Variants in EPN2 observed in about 807,000 individuals in gnomAD.
The protein encoded by EPN2 is epsin 2.
In EPN2, 34 loss-of-function variants were observed where a neutral mutation model predicts 61.7. That is an observed-to-expected ratio of 0.55 (90% CI 0.42 to 0.73). EPN2 has a LOEUF of 0.73. EPN2 is among the 30% of genes least tolerant of loss of function. The pLI is 0.00. For missense variants in EPN2, 714 were observed against 839.2 expected (o/e 0.85, Z 1.84); for synonymous variants, 349 against 353.6 (o/e 0.99, Z 0.15).
rs907434530 is a variant in EPN2, at chr17:19,285,129, T to C, written c.596-491T>C. Among the ~76,000 whole-genome samples the C allele has an allele frequency of 6.6e-6, 1 of 152,226 alleles. No homozygotes were observed. Among genetic ancestry groups the C allele is most frequent in the Non-Finnish European group, 1.5e-5 (1 of 68,032 alleles). On this transcript the variant is annotated intron_variant, in intron 3 of 10. Coordinates refer to ENST00000314728, the MANE Select transcript of EPN2 (RefSeq NM_014964.5). The surrounding 1 kb of genome is among the most constrained non-coding windows in gnomAD (Gnocchi z 4.5). ...TGAGTTGGTCCCAACCTGCCTTGAC[T>C]TCCTCTGTCCCTGTGACTGTGGCTG... is the stretch of plus-strand genomic sequence containing the variant.
intron 4 of EPN2, among the ~76,000 whole-genome samples, chr17:19,287,794 G>C (rs559647026): frequency 1.3e-5 from 2 of 152,182 alleles, no homozygotes; most frequent in African/African-American, 4.8e-5. Flanking sequence ...AGCCGGGAAG[G>C]CCTCTTGTGT....
chr17:19,268,449 C>G (rs920391118), intron 1 of EPN2, among the ~76,000 whole-genome samples: 1 of 152,170 alleles, frequency 6.6e-6, no homozygotes, highest in Admixed American at 6.5e-5. Flanking sequence ...CCTCAAACTC[C>G]TGGGCTCAGG....
rs1327416216 is a variant in EPN2 at position 19,302,614 on chromosome 17, C to T, written c.767-7271C>T. Reference sequence around the variant, plus strand: ...CAAGGAAACAAGCTCAGGGCTCCCACTGATTCTATATTATGGTGAGTTGTA... The same window carrying T: ...CAAGGAAACAAGCTCAGGGCTCCCATTGATTCTATATTATGGTGAGTTGTA... On this transcript the variant is annotated intron_variant, in intron 4 of 10. Coordinates refer to ENST00000314728, the MANE Select transcript of EPN2 (RefSeq NM_014964.5). Among the ~76,000 whole-genome samples the T allele has an allele frequency of 2.0e-5, 3 of 152,194 alleles. No individual in the cohort carries two copies. In the South Asian group the frequency reaches 6.2e-4, roughly 32 times the overall value.
chr17:19,306,794 G>T (rs1285264574), intron 4 of EPN2, among the ~76,000 whole-genome samples: 1 of 152,160 alleles, frequency 6.6e-6, no homozygotes, highest in African/African-American at 2.4e-5. Flanking sequence ...TTTTTTTGGG[G>T]TGGGGTGGGA....
intron 10 of EPN2, 64 bp downstream of exon 10, chr17:19,332,132 C>A: frequency 8.3e-7 from 1 of 1,203,692 alleles, no homozygotes; most frequent in Non-Finnish European, 1.2e-6. Flanking sequence ...TGCAGCAGGC[C>A]TCTTGGGGGC....
rs150823408 is a variant in EPN2, at chr17:19,283,158, C to T, written c.39C>T (p.Ile13=). The change falls in exon 3 of 11, where the codon ATC becomes ATT. Residue 13 remains isoleucine, a synonymous_variant. Transcript: ENST00000314728. This position sits in a 1 kb window ranked among gnomAD's most constrained non-coding sequence, Gnocchi z 7.0. ...TSSIRRQMKN[I]VNNYSEAEIK... ...CTATCAGACGGCAGATGAAAAACAT[C>T]GTGAACAATTACTCAGAGGCAGAAA... is the stretch of plus-strand genomic sequence containing the variant. 1.6e-5 allele frequency: 26 copies of T among 1,612,696 alleles called. No homozygotes were observed. Among genetic ancestry groups the T allele is most frequent in the East Asian group, 4.5e-5 (2 of 44,888 alleles).
intron 7 of EPN2, among the ~76,000 whole-genome samples, chr17:19,327,085 C>A (rs1006949770): frequency 6.6e-6 from 1 of 152,122 alleles, no homozygotes. Flanking sequence ...AAGACTGGCA[C>A]CCACTGCTGG....
chr17:19,288,863 C>T (rs1421388042), intron 4 of EPN2, among the ~76,000 whole-genome samples: 1 of 152,092 alleles, frequency 6.6e-6, no homozygotes. Context: ...CGGTGCTGGG[C>T]CTTCTGGGTT....
At chr17:19,250,102 T>C (rs1869316737) in intron 1 of EPN2, among the ~76,000 whole-genome samples, 1 of 152,070 alleles carries the variant, frequency 6.6e-6, no homozygotes, top group Non-Finnish European at 1.5e-5. Flanking sequence ...CTGAATTTTT[T>C]TTTTTTTTTC....
intron 4 of EPN2, among the ~76,000 whole-genome samples, chr17:19,305,162 C>G (rs1467989276): frequency 6.7e-6 from 1 of 148,796 alleles, no homozygotes; most frequent in Non-Finnish European, 1.5e-5. Context: ...TGCTCTGTTG[C>G]CCAGGCTGGA....
intron 4 of EPN2, among the ~76,000 whole-genome samples, chr17:19,299,097 G>A (rs1371857356): frequency 6.6e-6 from 1 of 152,186 alleles, no homozygotes; most frequent in African/African-American, 2.4e-5. Context: ...CCCCCCAGCA[G>A]TGAAGGAGAG....
rs1213118876 is a variant in EPN2 at position 19,283,335 on chromosome 17, G to A, written c.216G>A (p.Arg72=). ...TGAATGACCATGGCAAGAACTGGCG[G>A]CATGTGTACAAGGCGCTGACCCTGC... is the stretch of plus-strand genomic sequence containing the variant. The part of the protein sequence containing the change: ...KRLNDHGKNW[R]HVYKALTLLD... Residue 72 remains arginine, a synonymous_variant, in exon 3 of 11, where the codon CGG becomes CGA. Transcript: ENST00000314728. This position sits in a 1 kb window ranked among gnomAD's most constrained non-coding sequence, Gnocchi z 7.0. 1 of 1,614,158 alleles carries A rather than the reference G, an allele frequency of 6.2e-7. No homozygotes were observed.
At chr17:19,303,085 T>G (rs1905614288) in intron 4 of EPN2, among the ~76,000 whole-genome samples, 2 of 152,158 alleles carry the variant, frequency 1.3e-5, no homozygotes, top group East Asian at 1.9e-4. Context: ...GAACAGCTGT[T>G]TCCTCTGGGG....
intron 7 of EPN2, 145 bp downstream of exon 7, chr17:19,313,424 A>C: frequency 1.6e-6 from 1 of 621,064 alleles, no homozygotes; most frequent in Non-Finnish European, 2.5e-6. Flanking sequence ...GTGATATCCA[A>C]CTGGCCCTTG....
chr17:19,261,898 G>A (rs2045145234), intron 1 of EPN2, among the ~76,000 whole-genome samples: 1 of 152,200 alleles, frequency 6.6e-6, no homozygotes, highest in Non-Finnish European at 1.5e-5. Context: ...TTTGTTAACA[G>A]TTTTATTGGC....
Position 19,313,018 on chromosome 17 carries a change from C to T in EPN2, c.973-87C>T. On this transcript the variant is annotated intron_variant, in intron 6 of 10. Coordinates refer to ENST00000314728, the MANE Select transcript of EPN2 (RefSeq NM_014964.5). ...GAGGGCTTCACTGGAGGAAGAGGCACAGGTGGGTGATATTTATGGCTAGTT... is the reference window on the plus strand; with the variant it reads ...GAGGGCTTCACTGGAGGAAGAGGCATAGGTGGGTGATATTTATGGCTAGTT... The T allele has an allele frequency of 2.8e-6, 4 of 1,409,498 alleles. No homozygotes were observed. The South Asian group carries it at 3.9e-5, about 14-fold the overall frequency. 87.3% of individuals were successfully genotyped at this position (1,409,498 alleles called of 1,614,324 possible). A position where few individuals can be genotyped will look rare whatever the true frequency, so the allele number is the denominator to read the frequency against.
intron 1 of EPN2, among the ~76,000 whole-genome samples, chr17:19,251,123 C>T (rs1567842524): frequency 1.3e-5 from 2 of 152,100 alleles, no homozygotes; most frequent in Admixed American, 6.6e-5. Context: ...TTATAGTGTA[C>T]CTTTAGAGCA....
chr17:19,333,945 T>C lies in EPN2; in HGVS notation c.1628-11T>C. 6.6e-7 allele frequency: 1 copy of C among 1,519,344 alleles called. No homozygotes were observed. Among genetic ancestry groups the C allele is most frequent in the Non-Finnish European group, 8.9e-7 (1 of 1,129,754 alleles). 94.1% of individuals were successfully genotyped at this position (1,519,344 alleles called of 1,614,324 possible). On this transcript the variant is annotated splice_polypyrimidine_tract_variant and intron_variant, in intron 10 of 10. Transcript: ENST00000314728. ...ACGGCTCAGCCTCTGCCCCTCCTTC[T>C]GTCTCCCCAGGTGCTCCCGCCACCT...
At chr17:19,257,542 C>T (rs1221199796) in intron 1 of EPN2, among the ~76,000 whole-genome samples, 9 of 145,138 alleles carry the variant, frequency 6.2e-5, no homozygotes, top group South Asian at 2.2e-4. Flanking sequence ...TTTTTTGACA[C>T]GGGGTCTTGC....
Sources: allele counts gnomAD v4.1 joint callset (sites outside exome capture counted in the v4.1 genomes callset), GRCh38; gene constraint gnomAD v4.1.1; non-coding constraint Gnocchi (gnomAD v3.1); transcripts MANE v1.5; gene names NCBI Gene and HGNC (gene_info 2026-07-23, HGNC 2026-07-21).